The following CDKN2B-AS1 variants were observed in gnomAD, a reference collection of about 807,000 sequenced individuals.
The protein encoded by CDKN2B-AS1 is CDKN2B antisense RNA 1 (non-protein coding).
At chr9:22,083,593 T>C (rs1563970605) in intron 4 of CDKN2B-AS1, among the ~76,000 whole-genome samples, 1 of 152,220 alleles carries the variant, frequency 6.6e-6, no homozygotes, top group Non-Finnish European at 1.5e-5. Flanking sequence ...TTGGTATTCT[T>C]ATAAAGCACC....
chr9:22,041,011 C>G lies in CDKN2B-AS1; in HGVS notation n.30-5740C>G, dbSNP rs576833956. 2.6e-5 allele frequency among the ~76,000 whole-genome samples: 4 copies of G among 152,084 alleles called. No homozygotes were observed. The East Asian group carries it at 7.8e-4, about 30-fold the overall frequency. On this transcript the variant is annotated intron_variant and non_coding_transcript_variant, in intron 1 of 4. Coordinates refer to ENST00000650946, the Ensembl canonical transcript of CDKN2B-AS1. ...GCGTGTAGAATCAGATTTGATTTCTCTGACTTTTCTTAGTCACTTCTGTGG... is the reference window on the plus strand; with the variant it reads ...GCGTGTAGAATCAGATTTGATTTCTGTGACTTTTCTTAGTCACTTCTGTGG...
intron 4 of CDKN2B-AS1, among the ~76,000 whole-genome samples, chr9:22,079,095 A>G (rs973753212): frequency 2.6e-5 from 4 of 152,220 alleles, no homozygotes; most frequent in Non-Finnish European, 5.9e-5. Flanking sequence ...TATTTTCCTC[A>G]GTTCTAATTC....
At chr9:22,065,455 C>T (rs574639967) in intron 4 of CDKN2B-AS1, among the ~76,000 whole-genome samples, 1 of 152,286 alleles carries the variant, frequency 6.6e-6, no homozygotes, top group Admixed American at 6.5e-5. Context: ...TGAAGATAGG[C>T]AAATATGATT....
At chr9:22,095,899 G>C (rs567319940) in intron 4 of CDKN2B-AS1, among the ~76,000 whole-genome samples, 1 of 151,488 alleles carries the variant, frequency 6.6e-6, no homozygotes, top group South Asian at 2.1e-4. Flanking sequence ...TCAGAGACTA[G>C]GATTGCAACC....
chr9:22,006,274 G>C lies in CDKN2B-AS1; in HGVS notation n.29+11113G>C, dbSNP rs2069426. Reference sequence around the variant, plus strand: ...TGCCAGAGAGAGCAGAGTGGTCAGAGCCAGGGTGGGGGCAGGTATGGGAGA... The same window carrying C: ...TGCCAGAGAGAGCAGAGTGGTCAGACCCAGGGTGGGGGCAGGTATGGGAGA... On this transcript the variant is annotated intron_variant and non_coding_transcript_variant, in intron 1 of 4. Transcript: ENST00000650946. This position sits in a 1 kb window ranked among gnomAD's most constrained non-coding sequence, Gnocchi z 6.4. 6.2e-7 allele frequency: 1 copy of C among 1,600,652 alleles called. No homozygotes were observed. Among genetic ancestry groups the C allele is most frequent in the East Asian group, 2.2e-5 (1 of 44,876 alleles).
intron 4 of CDKN2B-AS1, among the ~76,000 whole-genome samples, chr9:22,102,725 C>A (rs72652481): frequency 2.0e-5 from 3 of 152,106 alleles, no homozygotes; most frequent in African/African-American, 7.2e-5. Flanking sequence ...TTCTAATTAC[C>A]TTAGAGTTAA....
intron 4 of CDKN2B-AS1, chr9:22,113,712 T>C (rs931315738): frequency 1.5e-4 from 23 of 152,298 alleles, no homozygotes; most frequent in African/African-American, 5.1e-4. Flanking sequence ...TGTCAAACAA[T>C]GTGTAACTCC....
chr9:22,098,394 G>A (rs953455392), intron 4 of CDKN2B-AS1, among the ~76,000 whole-genome samples: 1 of 150,564 alleles, frequency 6.6e-6, no homozygotes, highest in African/African-American at 2.5e-5. Flanking sequence ...ACTTATAGGG[G>A]TTATGGGAAA....
At chr9:22,034,149 G>A (rs992799201) in intron 1 of CDKN2B-AS1, among the ~76,000 whole-genome samples, 1 of 152,118 alleles carries the variant, frequency 6.6e-6, no homozygotes, top group Admixed American at 6.6e-5. Context: ...ATAAGAGAAG[G>A]TTCTTCTTTG....
chr9:22,122,572 A>G (rs1184368125), intron 4 of CDKN2B-AS1, among the ~76,000 whole-genome samples: 1 of 152,142 alleles, frequency 6.6e-6, no homozygotes, highest in East Asian at 1.9e-4. Context: ...TGATATTTAT[A>G]TAGGGTGAGA....
chr9:22,057,809 GA>G (rs907832341), intron 4 of CDKN2B-AS1, among the ~76,000 whole-genome samples: 12 of 146,480 alleles, frequency 8.2e-5, no homozygotes, highest in South Asian at 4.4e-4. Flanking sequence ...CCTGTCTTGA[GA>G]AAAAAAAAAG....
At chr9:22,087,787 T>A (rs1367428164) in intron 4 of CDKN2B-AS1, among the ~76,000 whole-genome samples, 4 of 152,228 alleles carry the variant, frequency 2.6e-5, no homozygotes, top group Non-Finnish European at 5.9e-5. Context: ...TATCCATTTA[T>A]TTTGAAGAGA....
intron 1 of CDKN2B-AS1, among the ~76,000 whole-genome samples, chr9:22,014,611 T>C (rs1337070877): frequency 2.0e-5 from 3 of 151,980 alleles, no homozygotes; most frequent in East Asian, 3.9e-4. Context: ...CTTTCTTTTA[T>C]TATTATTATT....
intron 2 of CDKN2B-AS1, among the ~76,000 whole-genome samples, chr9:22,048,074 C>A (rs898107793): frequency 1.3e-5 from 2 of 151,884 alleles, no homozygotes; most frequent in Non-Finnish European, 2.9e-5. Flanking sequence ...GGATTACAGG[C>A]GTGAGTCAGT....
At chr9:22,085,979 G>T (rs962221187) in intron 4 of CDKN2B-AS1, among the ~76,000 whole-genome samples, 1 of 151,938 alleles carries the variant, frequency 6.6e-6, no homozygotes, top group South Asian at 2.1e-4. Context: ...CCCTCGAGAG[G>T]CAGGATAGTT....
intron 4 of CDKN2B-AS1, among the ~76,000 whole-genome samples, chr9:22,105,666 A>G (rs893039373): frequency 2.0e-5 from 3 of 152,180 alleles, no homozygotes; most frequent in African/African-American, 7.2e-5. Flanking sequence ...TGAGGTGGTT[A>G]TAAGAGCCTG....
intron 4 of CDKN2B-AS1, among the ~76,000 whole-genome samples, chr9:22,102,813 T>C (rs1825529070): frequency 6.6e-6 from 1 of 152,080 alleles, no homozygotes; most frequent in Non-Finnish European, 1.5e-5. Context: ...CAAAAATAGG[T>C]GTTCATAGAT....
At chr9:22,113,534 T>A (rs1825858065) in intron 4 of CDKN2B-AS1, 1 of 152,204 alleles carries the variant, frequency 6.6e-6, no homozygotes, top group African/African-American at 2.4e-5. Context: ...TCGGGGTCAT[T>A]CCTAGAAATT....
rs374177320 is a variant in CDKN2B-AS1 at position 22,114,615 on chromosome 9, A to G, written n.439-12488A>G. ...AAGCTGCCCACCAGAAGAGTACTGC[A>G]TCTTTCAGGAACGGACTTGCTTTAG... is the stretch of plus-strand genomic sequence containing the variant. On this transcript the variant is annotated intron_variant and non_coding_transcript_variant, in intron 4 of 4. Transcript: ENST00000650946. 5.7e-4 allele frequency among the ~76,000 whole-genome samples: 87 copies of G among 152,356 alleles called. 1 individual carries two copies. The South Asian group carries it at 0.017, about 30-fold the overall frequency.
Sources: gnomAD v4.1 joint callset for allele counts (sites outside exome capture counted in the v4.1 genomes callset) on GRCh38, gnomAD v4.1.1 for gene constraint, Gnocchi (gnomAD v3.1) non-coding constraint, MANE v1.5 for transcripts, NCBI Gene and HGNC (gene_info 2026-07-23, HGNC 2026-07-21) for gene names.